Variants in NLRP14 observed in about 807,000 individuals in gnomAD.
NLRP14 encodes the protein NLR family pyrin domain containing 14.
Under a neutral mutation model 94.7 loss-of-function variants are expected in NLRP14, and 105 were observed. The ratio of observed to expected loss-of-function variants is 1.11; its 90% confidence interval spans 0.95 to 1.30. The LOEUF is 1.30. Among genes scored for constraint, NLRP14 ranks in the 50% most tolerant of loss-of-function variants. The pLI, the probability that NLRP14 is intolerant of heterozygous loss-of-function variation, is 0.00. For synonymous variants in NLRP14, 508 were observed against 459.9 expected (o/e 1.10, Z -1.34); for missense variants, 1,362 against 1,254.1 (o/e 1.09, Z -1.30).
At position 7,058,264 on chromosome 11, in the gene NLRP14, T is replaced by C; in HGVS notation, c.2463-16T>C. 1 of 1,609,730 alleles carries C rather than the reference T, an allele frequency of 6.2e-7. No homozygotes were observed. Among genetic ancestry groups the C allele is most frequent in the South Asian group, 1.1e-5 (1 of 90,996 alleles). The stretch of plus-strand genomic sequence containing the variant: ...TTGGGAATTGACAGATCTCTTCTCA[T>C]CTCTTTCTCTTTCAGCTTAGAAAGC... On this transcript the variant is annotated splice_polypyrimidine_tract_variant and intron_variant, in intron 7 of 11. Coordinates refer to ENST00000299481, the MANE Select transcript of NLRP14 (RefSeq NM_176822.4).
intron 6 of NLRP14, among the ~76,000 whole-genome samples, chr11:7,051,835 A>T (rs1166904380): frequency 6.6e-6 from 1 of 152,090 alleles, no homozygotes; most frequent in Non-Finnish European, 1.5e-5. Flanking sequence ...GTTGGCCAGG[A>T]TGGTCTCGAT....
chr11:7,046,278 A>G (rs758239940), intron 4 of NLRP14, among the ~76,000 whole-genome samples: 1 of 152,184 alleles, frequency 6.6e-6, no homozygotes, highest in Non-Finnish European at 1.5e-5. Flanking sequence ...TTTTTAATCT[A>G]TACCACTTTA....
At chr11:7,056,168 T>G (rs1852511980) in intron 6 of NLRP14, among the ~76,000 whole-genome samples, 1 of 151,924 alleles carries the variant, frequency 6.6e-6, no homozygotes, top group Admixed American at 6.6e-5. Context: ...ATTTTTTTTC[T>G]GATTTGAAAA....
intron 6 of NLRP14, among the ~76,000 whole-genome samples, chr11:7,056,084 C>A (rs938970170): frequency 6.6e-6 from 1 of 151,892 alleles, no homozygotes; most frequent in Non-Finnish European, 1.5e-5. Context: ...TGAGAAAAAA[C>A]CTCCAAACTC....
intron 9 of NLRP14, among the ~76,000 whole-genome samples, chr11:7,061,142 G>T (rs1179097407): frequency 1.3e-5 from 2 of 152,030 alleles, no homozygotes; most frequent in African/African-American, 4.8e-5. Context: ...ACTGACTCAT[G>T]ATAACTAAAC....
At chr11:7,061,092 C>A (rs1479136810) in intron 9 of NLRP14, among the ~76,000 whole-genome samples, 1 of 152,032 alleles carries the variant, frequency 6.6e-6, no homozygotes, top group Non-Finnish European at 1.5e-5. Context: ...GCTATAAAGT[C>A]AAGCTCTTTG....
Position 7,057,687 on chromosome 11 carries a change from T to C in NLRP14, c.2302T>C (p.Cys768Arg). 6.2e-7 allele frequency: 1 copy of C among 1,612,582 alleles called. No individual in the cohort carries two copies. The highest frequency in any genetic ancestry group is 1.1e-5 in the South Asian group (1 of 91,060). ...CKLQTLRLES[C>R]NLTVFCCLNI... ...TGTGTTGTTTTCCAGGCTGGAATCT[T>C]GCAACCTAACTGTATTTTGTTGTCT... The change falls in exon 7 of 12, where the codon TGC becomes CGC. Residue 768 changes from cysteine to arginine, a missense_variant. Cys to Arg is a radical substitution (Grantham distance 180, BLOSUM62 -3). Coordinates refer to ENST00000299481, the MANE Select transcript of NLRP14 (RefSeq NM_176822.4).
At chr11:7,025,933 T>G (rs1852009123) in intron 1 of NLRP14, among the ~76,000 whole-genome samples, 1 of 152,312 alleles carries the variant, frequency 6.6e-6, no homozygotes, top group Admixed American at 6.5e-5. Flanking sequence ...ACAGATTGAA[T>G]AGTATAATAA....
the NLRP14 span, chr11:7,089,826 G>A: frequency 2.5e-6 from 4 of 1,609,504 alleles, no homozygotes; most frequent in East Asian, 2.2e-5. Flanking sequence ...CCCCTCGCCC[G>A]GAGAGTACAC....
chr11:7,079,439 G>A, the NLRP14 span, among the ~76,000 whole-genome samples: 1 of 152,098 alleles, frequency 6.6e-6, no homozygotes, highest in Non-Finnish European at 1.5e-5. Flanking sequence ...AAAAGTAATC[G>A]TTCTTTATCT....
At chr11:7,032,867 T>A (rs943923689) in intron 1 of NLRP14, among the ~76,000 whole-genome samples, 1 of 152,210 alleles carries the variant, frequency 6.6e-6, no homozygotes. Context: ...AGCATAAACA[T>A]GCAGCTTGGT....
chr11:7,062,641 T>C (rs1852642631), intron 10 of NLRP14, 138 bp downstream of exon 10: 2 of 784,194 alleles, frequency 2.6e-6, no homozygotes, highest in Non-Finnish European at 4.4e-6. Context: ...AGAATCTAAA[T>C]TTCAAATAAA....
At chr11:7,049,365 G>A (rs1003677603) in intron 5 of NLRP14, among the ~76,000 whole-genome samples, 8 of 152,178 alleles carry the variant, frequency 5.3e-5, no homozygotes, top group Non-Finnish European at 1.0e-4. Context: ...GTGAATTAAT[G>A]TTATTGTAGT....
At chr11:7,049,933 G>GA in intron 6 of NLRP14, 95 bp downstream of exon 6, 6 of 1,063,630 alleles carry the variant, frequency 5.6e-6, no homozygotes, top group Non-Finnish European at 8.8e-6. Flanking sequence ...CTATTCATAG[G>GA]ACCGGCTTAA....
At chr11:7,068,187 A>T (rs1490793265) in intron 10 of NLRP14, among the ~76,000 whole-genome samples, 5 of 152,086 alleles carry the variant, frequency 3.3e-5, no homozygotes, top group Admixed American at 3.3e-4. Flanking sequence ...CACAACATTG[A>T]TCCACTCTGT....
intron 4 of NLRP14, among the ~76,000 whole-genome samples, chr11:7,044,425 G>A (rs1160824508): frequency 6.6e-6 from 1 of 152,150 alleles, no homozygotes; most frequent in African/African-American, 2.4e-5. Context: ...TTATCTCTCT[G>A]TATTATATTC....
Position 7,046,970 on chromosome 11 carries a change from A to C in NLRP14, c.2123+138A>C, listed in dbSNP as rs537755995. On this transcript the variant is annotated intron_variant, in intron 5 of 11. Transcript: ENST00000299481. ...TTTGTAAAATAAACAGGAACAATGG[A>C]ATCCTCTGGGGACATGGGATCATTA... The C allele has an allele frequency of 1.5e-4, 107 of 734,096 alleles. No individual in the cohort carries two copies. The Admixed American group carries it at 2.1e-3, about 14-fold the overall frequency. 45.5% of individuals were successfully genotyped at this position (734,096 alleles called of 1,614,324 possible).
At chr11:7,087,115 C>G in the NLRP14 span, among the ~76,000 whole-genome samples, 1 of 152,184 alleles carries the variant, frequency 6.6e-6, no homozygotes, top group African/African-American at 2.4e-5. Flanking sequence ...TGGATGGAGT[C>G]ACACTCAGGA....
At chr11:7,026,945 AAAACTT>A (rs1852024850) in intron 1 of NLRP14, among the ~76,000 whole-genome samples, 1 of 152,006 alleles carries the variant, frequency 6.6e-6, no homozygotes, top group African/African-American at 2.4e-5. Flanking sequence ...CATATACCCT[AAAACTT>A]AAAGTATAAT....
Sources: allele counts gnomAD v4.1 joint callset (sites outside exome capture counted in the v4.1 genomes callset), GRCh38; gene constraint gnomAD v4.1.1; transcripts MANE v1.5; gene names NCBI Gene and HGNC (gene_info 2026-07-23, HGNC 2026-07-21).